Variants in STK32B observed in about 807,000 individuals in gnomAD.
STK32B encodes serine/threonine-protein kinase 32B.
In STK32B, 43 loss-of-function variants were observed where a neutral mutation model predicts 52.6. The ratio of observed to expected loss-of-function variants is 0.82; its 90% CI spans 0.64 to 1.05. The LOEUF (loss-of-function observed/expected upper bound fraction) is 1.05, where lower values mean the gene tolerates loss of function less well. Ranked by LOEUF, STK32B falls within the 50% of genes least tolerant of loss-of-function variation. The pLI, the probability that STK32B is intolerant of heterozygous loss-of-function variation, is 0.00. For missense variants in STK32B, 621 were observed against 534.6 expected, an observed-to-expected ratio of 1.16 and a Z score of -1.59; for synonymous variants, 238 against 204.3, an observed-to-expected ratio of 1.17 and a Z score of -1.41.
intron 4 of STK32B, among the ~76,000 whole-genome samples, chr4:5,379,231 G>A (rs1440473582): frequency 6.6e-6 from 1 of 152,124 alleles, no homozygotes; most frequent in Non-Finnish European, 1.5e-5. Flanking sequence ...ATCGGCCTTT[G>A]TGCTACCCCT....
intron 6 of STK32B, among the ~76,000 whole-genome samples, chr4:5,428,317 A>G (rs1181209494): frequency 6.6e-6 from 1 of 152,114 alleles, no homozygotes; most frequent in East Asian, 1.9e-4. Context: ...CTGAGGCAGG[A>G]GAATGGCGTG....
At chr4:5,182,959 T>C (rs964870156) in intron 3 of STK32B, among the ~76,000 whole-genome samples, 4 of 152,224 alleles carry the variant, frequency 2.6e-5, no homozygotes, top group Non-Finnish European at 5.9e-5. Flanking sequence ...AGCAGTAGTA[T>C]TGTTTTCTCA....
intron 4 of STK32B, among the ~76,000 whole-genome samples, chr4:5,360,938 C>T (rs1734506354): frequency 6.6e-6 from 1 of 152,186 alleles, no homozygotes; most frequent in Non-Finnish European, 1.5e-5. Flanking sequence ...TCCAGAACTC[C>T]TCATTTTGCA....
chr4:5,443,163 T>C (rs1714964616), intron 6 of STK32B, among the ~76,000 whole-genome samples: 1 of 150,454 alleles, frequency 6.6e-6, no homozygotes, highest in South Asian at 2.2e-4. Context: ...CCTTGCTAGA[T>C]TGGGGAAGTT....
chr4:5,305,242 G>A (rs1195228163), intron 3 of STK32B, among the ~76,000 whole-genome samples: 1 of 151,278 alleles, frequency 6.6e-6, no homozygotes, highest in African/African-American at 2.5e-5. Context: ...TTTATCTTTT[G>A]GAATAGTGTC....
intron 1 of STK32B, among the ~76,000 whole-genome samples, chr4:5,107,993 C>T (rs75930417): frequency 0.03 from 4,496 of 152,246 alleles, 189 homozygotes; most frequent in East Asian, 0.22. Context: ...ATAATCACCA[C>T]TCACATCAAT....
chr4:5,324,218 G>A lies in STK32B; in HGVS notation c.261-7002G>A, dbSNP rs561785293. ...AAAATATAAAAGCTAGTCAGGTGTG[G>A]TGGCATGGGCCTGTAATCCCAGCTA... On this transcript the variant is annotated intron_variant, in intron 3 of 11. Coordinates refer to ENST00000282908, the MANE Select transcript of STK32B (RefSeq NM_018401.3). 4.6e-5 allele frequency among the ~76,000 whole-genome samples: 7 copies of A among 152,294 alleles called. No individual in the cohort carries two copies. In the East Asian group the frequency reaches 7.7e-4, roughly 17 times the overall value.
chr4:5,094,819 C>T (rs1056221955), intron 1 of STK32B, among the ~76,000 whole-genome samples: 4 of 152,020 alleles, frequency 2.6e-5, no homozygotes, highest in African/African-American at 9.7e-5. Flanking sequence ...AGTCGGCGCC[C>T]CTAACTCCCA....
chr4:5,126,051 AG>A (rs977605576), intron 1 of STK32B, among the ~76,000 whole-genome samples: 13 of 152,152 alleles, frequency 8.5e-5, no homozygotes, highest in African/African-American at 2.7e-4. Flanking sequence ...CTCGGTCAAA[AG>A]CCAGTTGGGC....
At chr4:5,475,379 CA>C in intron 11 of STK32B, among the ~76,000 whole-genome samples, 1 of 135,476 alleles carries the variant, frequency 7.4e-6, no homozygotes. Context: ...GAGCCGAGAT[CA>C]CACCACTGCA....
intron 3 of STK32B, among the ~76,000 whole-genome samples, chr4:5,295,876 T>A (rs1455679770): frequency 1.3e-5 from 2 of 152,184 alleles, no homozygotes; most frequent in African/African-American, 4.8e-5. Context: ...CGATTTTAGA[T>A]CTTTCCCACT....
chr4:5,375,448 G>A (rs1291987023), intron 4 of STK32B, among the ~76,000 whole-genome samples: 1 of 151,736 alleles, frequency 6.6e-6, no homozygotes, highest in East Asian at 1.9e-4. Flanking sequence ...TCCATCTCTG[G>A]GACTTTTTAC....
chr4:5,492,788 G>T (rs557685517), intron 11 of STK32B, among the ~76,000 whole-genome samples: 3 of 151,332 alleles, frequency 2.0e-5, no homozygotes. Context: ...AGCATGAAGG[G>T]TTGTTGAATT....
chr4:5,183,765 C>T (rs1403738505), intron 3 of STK32B, among the ~76,000 whole-genome samples: 1 of 152,252 alleles, frequency 6.6e-6, no homozygotes. Context: ...CTCCATCACA[C>T]TTTCTGCTTC....
intron 6 of STK32B, chr4:5,438,169 A>G (rs1419308537): frequency 1.0e-6 from 1 of 975,302 alleles, no homozygotes; most frequent in Non-Finnish European, 1.2e-6. Flanking sequence ...GCCCAGCATG[A>G]AGGGACTCCT....
At chr4:5,316,182 AAT>A (rs1381245851) in intron 3 of STK32B, among the ~76,000 whole-genome samples, 6 of 89,028 alleles carry the variant, frequency 6.7e-5, no homozygotes, top group Non-Finnish European at 1.2e-4. Flanking sequence ...TATATAACTA[AAT>A]ATATATATTT....
At position 5,274,662 on chromosome 4, in the gene STK32B, A is replaced by C. The variant is rs373759790; in HGVS notation, c.261-56558A>C. ...ATCAGCATATAAACCCCGGCATTGGAGCTGGCAGCAGCGACCCTCTTTGGG... is the reference window on the plus strand; with the variant it reads ...ATCAGCATATAAACCCCGGCATTGGCGCTGGCAGCAGCGACCCTCTTTGGG... On this transcript the variant is annotated intron_variant, in intron 3 of 11. Transcript: ENST00000282908. Among the ~76,000 whole-genome samples, 5 of 152,190 alleles carry C rather than the reference A, an allele frequency of 3.3e-5. No individual in the cohort carries two copies. In the East Asian group the frequency reaches 7.7e-4, roughly 23 times the overall value.
chr4:5,112,514 C>T (rs904578837), intron 1 of STK32B, among the ~76,000 whole-genome samples: 7 of 152,132 alleles, frequency 4.6e-5, no homozygotes, highest in Non-Finnish European at 8.8e-5. Flanking sequence ...TTCCCTTCTA[C>T]TAGAGGAAGG....
intron 3 of STK32B, among the ~76,000 whole-genome samples, chr4:5,300,915 TA>T (rs1214135633): frequency 6.6e-6 from 1 of 152,116 alleles, no homozygotes; most frequent in Admixed American, 6.6e-5. Context: ...CCCTATTTAT[TA>T]AATTACCCAT....
Sources: allele counts gnomAD v4.1 joint callset (sites outside exome capture counted in the v4.1 genomes callset), GRCh38; gene constraint gnomAD v4.1.1; transcripts MANE v1.5; gene names NCBI Gene and HGNC (gene_info 2026-07-23, HGNC 2026-07-21).